The following GLIS3 variants were observed in gnomAD, a reference collection of about 807,000 sequenced individuals.
GLIS3 encodes GLIS family zinc finger 3, also known as zinc finger protein GLIS3.
Under a neutral mutation model 78.6 loss-of-function variants are expected in GLIS3, and 53 were observed. That is an observed-to-expected ratio of 0.67 (90% CI 0.54 to 0.85). The LOEUF (loss-of-function observed/expected upper bound fraction) is 0.85. Among genes scored for constraint, GLIS3 ranks in the 40% least tolerant of loss-of-function variants. The pLI is 0.00. For synonymous variants in GLIS3, 684 were observed against 509.9 expected (o/e 1.34, Z -4.60); for missense variants, 1,703 against 1,231.1 (o/e 1.38, Z -5.74).
At chr9:3,890,812 C>T (rs1822383628) in intron 7 of GLIS3, among the ~76,000 whole-genome samples, 1 of 152,084 alleles carries the variant, frequency 6.6e-6, no homozygotes, top group Non-Finnish European at 1.5e-5. Flanking sequence ...TGACCAAACC[C>T]TAGTAACCAT....
chr9:3,852,145 A>G (rs111338910), intron 9 of GLIS3, among the ~76,000 whole-genome samples: 2,396 of 152,012 alleles, frequency 0.016, 56 homozygotes, highest in African/African-American at 0.052. Flanking sequence ...ACTACGTTCC[A>G]AAAGAAAAAA....
At chr9:3,831,382 T>C (rs1818035548) in intron 9 of GLIS3, among the ~76,000 whole-genome samples, 1 of 152,098 alleles carries the variant, frequency 6.6e-6, no homozygotes, top group East Asian at 1.9e-4. Flanking sequence ...CTGTAAACTC[T>C]CAAGCCCACA....
chr9:4,415,469 T>C, the GLIS3 span, among the ~76,000 whole-genome samples: 2 of 152,236 alleles, frequency 1.3e-5, no homozygotes, highest in African/African-American at 2.4e-5. Context: ...TGGATGTTAG[T>C]CACCAGACAC....
intron 4 of GLIS3, among the ~76,000 whole-genome samples, chr9:4,117,441 G>T (rs987767265): frequency 6.6e-6 from 1 of 152,218 alleles, no homozygotes; most frequent in Non-Finnish European, 1.5e-5. Context: ...TGCAATCTGT[G>T]TCCTTCTGCT....
chr9:4,446,144 G>C, the GLIS3 span, among the ~76,000 whole-genome samples: 1 of 152,206 alleles, frequency 6.6e-6, no homozygotes, highest in Non-Finnish European at 1.5e-5. Context: ...GTTCTGGTCT[G>C]AATGTGTCCC....
At chr9:3,845,427 C>A (rs1370299889) in intron 9 of GLIS3, among the ~76,000 whole-genome samples, 1 of 152,072 alleles carries the variant, frequency 6.6e-6, no homozygotes, top group Non-Finnish European at 1.5e-5. Flanking sequence ...AGAATACTTG[C>A]CAATCTTTTA....
At chr9:4,031,032 T>G (rs952057825) in intron 4 of GLIS3, among the ~76,000 whole-genome samples, 4 of 152,168 alleles carry the variant, frequency 2.6e-5, no homozygotes, top group Middle Eastern at 3.2e-3. Flanking sequence ...ATTTGAACAT[T>G]CGTGCACTGC....
chr9:4,371,954 C>T, the GLIS3 span, among the ~76,000 whole-genome samples: 6 of 152,194 alleles, frequency 3.9e-5, no homozygotes, highest in African/African-American at 1.4e-4. Flanking sequence ...CTCACCCCTT[C>T]TCTGGCCATA....
At chr9:4,201,480 T>C (rs376895399) in intron 2 of GLIS3, among the ~76,000 whole-genome samples, 1 of 152,166 alleles carries the variant, frequency 6.6e-6, no homozygotes, top group Non-Finnish European at 1.5e-5. Flanking sequence ...ACGACTTCAG[T>C]GAAGTTTCAG....
the GLIS3 span, among the ~76,000 whole-genome samples, chr9:4,355,852 T>G: frequency 1.4e-4 from 21 of 152,148 alleles, no homozygotes; most frequent in African/African-American, 5.1e-4. Context: ...AATACCTGCT[T>G]TCTAACTAGA....
intron 2 of GLIS3, among the ~76,000 whole-genome samples, chr9:4,170,716 G>A (rs542534487): frequency 6.6e-6 from 1 of 152,282 alleles, no homozygotes; most frequent in South Asian, 2.1e-4. Context: ...GAAAGGCAAG[G>A]CTATCCATAC....
At chr9:4,274,039 G>A (rs151273168) in intron 2 of GLIS3, among the ~76,000 whole-genome samples, 340 of 152,256 alleles carry the variant, frequency 2.2e-3, no homozygotes, top group African/African-American at 7.9e-3. Context: ...TCTGCCCTTT[G>A]CCTAGACTCT....
intron 2 of GLIS3, among the ~76,000 whole-genome samples, chr9:4,180,838 A>G (rs1382634888): frequency 6.6e-6 from 1 of 152,082 alleles, no homozygotes; most frequent in Non-Finnish European, 1.5e-5. Context: ...ATAAAATCTC[A>G]AACTGGTTTT....
Position 3,932,411 on chromosome 9 carries a change from T to G in GLIS3, c.1932A>C (p.Leu644=). Residue 644 remains leucine, a synonymous_variant, in exon 6 of 11, where the codon CTA becomes CTC. Transcript: ENST00000381971. Reference sequence around the variant, plus strand: ...AAGAATGTGCCTTCACATGCTTTCTTAGGGAACTTGGGTCTGTGTAGCGTT... The same window carrying G: ...AAGAATGTGCCTTCACATGCTTTCTGAGGGAACTTGGGTCTGTGTAGCGTT... ...CTKRYTDPSS[L]RKHVKAHSSK... 2 of 1,613,956 alleles carry G rather than the reference T, an allele frequency of 1.2e-6. No homozygotes were observed. Among genetic ancestry groups the G allele is most frequent in the Non-Finnish European group, 1.7e-6 (2 of 1,179,894 alleles).
chr9:4,130,882 A>C (rs548983), intron 2 of GLIS3, among the ~76,000 whole-genome samples: 8,441 of 152,248 alleles, frequency 0.055, 304 homozygotes, highest in African/African-American at 0.1. Context: ...CTGCACCTGG[A>C]AAAGCCACAG....
At chr9:4,179,738 C>A (rs778778094) in intron 2 of GLIS3, among the ~76,000 whole-genome samples, 1 of 151,894 alleles carries the variant, frequency 6.6e-6, no homozygotes, top group African/African-American at 2.4e-5. Flanking sequence ...GGTGAAACCC[C>A]GTCTCTACTA....
intron 4 of GLIS3, among the ~76,000 whole-genome samples, chr9:4,031,120 A>G (rs1823800931): frequency 6.6e-6 from 1 of 152,216 alleles, no homozygotes; most frequent in South Asian, 2.1e-4. Flanking sequence ...GAATTACTAT[A>G]TGACCCGACA....
At chr9:3,981,630 T>C (rs1017701084) in intron 4 of GLIS3, among the ~76,000 whole-genome samples, 1 of 152,140 alleles carries the variant, frequency 6.6e-6, no homozygotes, top group East Asian at 1.9e-4. Flanking sequence ...CTGAAACATA[T>C]CAGGGGTATG....
chr9:3,841,881 T>G (rs1818740940), intron 9 of GLIS3, among the ~76,000 whole-genome samples: 1 of 152,216 alleles, frequency 6.6e-6, no homozygotes, highest in Non-Finnish European at 1.5e-5. Flanking sequence ...TCCTCCCTTC[T>G]CTGAGTAGAA....
Sources: allele counts gnomAD v4.1 joint callset (sites outside exome capture counted in the v4.1 genomes callset), GRCh38; gene constraint gnomAD v4.1.1; transcripts MANE v1.5; gene names NCBI Gene and HGNC (gene_info 2026-07-23, HGNC 2026-07-21).